The following IGF1R variants were observed in gnomAD, a reference collection of about 807,000 sequenced individuals.
The protein encoded by IGF1R is insulin-like growth factor 1 receptor.
In IGF1R, 44 loss-of-function variants were observed where a neutral mutation model predicts 144.6. That is an observed-to-expected ratio of 0.30 (90% CI 0.24 to 0.39). The LOEUF is 0.39. Ranked by LOEUF, IGF1R falls within the 10% of genes least tolerant of loss-of-function variation. The pLI is 1.00. For missense variants in IGF1R, 1,355 were observed against 1,833.7 expected (o/e 0.74, Z 4.77); for synonymous variants, 795 against 722.8 (o/e 1.10, Z -1.60).
In IGF1R at chr15:98,929,635, A is replaced by G. The variant is rs746647582; in HGVS notation, c.2860A>G (p.Met954Val). ...VLLIVGGLVIMLYVFHRKRNN... is the reference protein window; with the variant it reads ...VLLIVGGLVIVLYVFHRKRNN... The stretch of plus-strand genomic sequence containing the variant: ...GTTGATCGTGGGAGGGTTGGTGATT[A>G]TGCTGTACGTCTTCCATAGAAAGAG... The change falls in exon 14 of 21, where the codon ATG becomes GTG. Residue 954 changes from methionine to valine, a missense_variant. By Grantham distance (21) the Met-to-Val change is conservative. Transcript: ENST00000650285. 4 of 1,613,842 alleles carry G rather than the reference A, an allele frequency of 2.5e-6. No homozygotes were observed. The highest frequency in any genetic ancestry group is 3.4e-6 in the Non-Finnish European group (4 of 1,179,704).
chr15:98,693,120 C>T (rs2053517255), intron 1 of IGF1R, among the ~76,000 whole-genome samples: 1 of 152,136 alleles, frequency 6.6e-6, no homozygotes, highest in Admixed American at 6.5e-5. Context: ...CCCCCTGACC[C>T]CATATGAACG....
At position 98,671,110 on chromosome 15, in the gene IGF1R, C is replaced by T. The variant is rs182391113; in HGVS notation, c.94+21435C>T. 2.0e-3 allele frequency among the ~76,000 whole-genome samples: 298 copies of T among 152,312 alleles called. 1 individual carries two copies. Among genetic ancestry groups the T allele is most frequent in the African/African-American group, 6.6e-3 (274 of 41,572 alleles). Reference sequence around the variant, plus strand: ...AATGCAGCCATTGCAGAGTGAGCCCCGCTCTGTTACTGGATCTCCATTTGC... The same window carrying T: ...AATGCAGCCATTGCAGAGTGAGCCCTGCTCTGTTACTGGATCTCCATTTGC... On this transcript the variant is annotated intron_variant, in intron 1 of 20. Coordinates refer to ENST00000650285, the MANE Select transcript of IGF1R (RefSeq NM_000875.5).
chr15:98,691,658 C>T (rs760792747), intron 1 of IGF1R, among the ~76,000 whole-genome samples: 5 of 152,076 alleles, frequency 3.3e-5, no homozygotes, highest in Admixed American at 2.0e-4. Flanking sequence ...CCACCCTGCC[C>T]GGCCCATGGT....
intron 2 of IGF1R, among the ~76,000 whole-genome samples, chr15:98,869,457 G>A (rs1473488441): frequency 1.5e-5 from 2 of 133,480 alleles, no homozygotes; most frequent in Non-Finnish European, 3.1e-5. Context: ...TTTTTTAGAC[G>A]GCGTTTCGCC....
intron 2 of IGF1R, among the ~76,000 whole-genome samples, chr15:98,787,851 T>C (rs570383754): frequency 9.8e-5 from 15 of 152,294 alleles, no homozygotes; most frequent in African/African-American, 3.4e-4. Context: ...CAGTCGTATA[T>C]GTTTTTGTTC....
chr15:98,948,455 A>G, intron 19 of IGF1R, 119 bp from the exon 20 acceptor site: 1 of 1,065,416 alleles, frequency 9.4e-7, no homozygotes, highest in Non-Finnish European at 1.5e-6. Context: ...TCTGACAAGC[A>G]CTGTCACCAT....
chr15:98,890,744 GGCTTA>G, intron 2 of IGF1R: 1 of 161,578 alleles, frequency 6.2e-6, no homozygotes, highest in East Asian at 1.7e-4. Context: ...TAACAGCTTT[GGCTTA>G]TTTGAGGTAA....
At chr15:98,779,151 A>G (rs566804983) in intron 2 of IGF1R, among the ~76,000 whole-genome samples, 1 of 152,222 alleles carries the variant, frequency 6.6e-6, no homozygotes, top group South Asian at 2.1e-4. Flanking sequence ...TTGTTCCAGA[A>G]CAATGTATTC....
At chr15:98,929,457 T>C (rs914307652) in intron 13 of IGF1R, 101 bp from the exon 14 acceptor site, 2 of 885,160 alleles carry the variant, frequency 2.3e-6, no homozygotes, top group Non-Finnish European at 3.9e-6. Context: ...AGTAAACGAA[T>C]ATACAGGTAT....
intron 1 of IGF1R, among the ~76,000 whole-genome samples, chr15:98,665,770 A>G (rs571166898): frequency 2.1e-3 from 319 of 152,348 alleles, no homozygotes; most frequent in African/African-American, 7.3e-3. Context: ...GGCTTCAGTC[A>G]GGTGGGAAGC....
chr15:98,709,498 A>C (rs1409876739), intron 2 of IGF1R, among the ~76,000 whole-genome samples: 6 of 152,350 alleles, frequency 3.9e-5, no homozygotes, highest in Admixed American at 3.9e-4. Context: ...TCTTATGCTA[A>C]AGTCACTTGT....
intron 2 of IGF1R, among the ~76,000 whole-genome samples, chr15:98,714,227 G>T (rs1000500168): frequency 6.6e-6 from 1 of 151,750 alleles, no homozygotes; most frequent in African/African-American, 2.4e-5. Flanking sequence ...ATCCTTGTTT[G>T]TCAGCCACTG....
At chr15:98,878,399 T>C (rs993656220) in intron 2 of IGF1R, among the ~76,000 whole-genome samples, 1 of 152,144 alleles carries the variant, frequency 6.6e-6, no homozygotes, top group African/African-American at 2.4e-5. Flanking sequence ...AATTCCACTT[T>C]AGTTAGTCAT....
chr15:98,892,492 A>G (rs1265807356), intron 3 of IGF1R, among the ~76,000 whole-genome samples: 1 of 139,252 alleles, frequency 7.2e-6, no homozygotes, highest in Non-Finnish European at 1.5e-5. Flanking sequence ...ACACTACTTC[A>G]TTCCATCCTG....
chr15:98,712,535 T>G (rs1300506901), intron 2 of IGF1R, among the ~76,000 whole-genome samples: 1 of 152,000 alleles, frequency 6.6e-6, no homozygotes, highest in Non-Finnish European at 1.5e-5. Context: ...TCCTCCCCCT[T>G]ACAGCAGTGA....
At chr15:98,755,435 G>C (rs2055124360) in intron 2 of IGF1R, among the ~76,000 whole-genome samples, 1 of 151,832 alleles carries the variant, frequency 6.6e-6, no homozygotes, top group Non-Finnish European at 1.5e-5. Context: ...CATCTTTGCT[G>C]GTACTATAGA....
At chr15:98,847,165 CAG>C (rs2011361231) in intron 2 of IGF1R, among the ~76,000 whole-genome samples, 1 of 152,042 alleles carries the variant, frequency 6.6e-6, no homozygotes, top group Non-Finnish European at 1.5e-5. Context: ...TTAGTAAAGA[CAG>C]GGTTTTACCA....
intron 5 of IGF1R, among the ~76,000 whole-genome samples, chr15:98,905,978 G>C (rs2014712483): frequency 1.3e-5 from 2 of 152,088 alleles, no homozygotes; most frequent in Admixed American, 1.3e-4. Context: ...TTTTGACAAG[G>C]GTTTTATTTT....
intron 2 of IGF1R, among the ~76,000 whole-genome samples, chr15:98,845,824 T>G (rs1433348752): frequency 6.6e-6 from 1 of 152,158 alleles, no homozygotes; most frequent in Non-Finnish European, 1.5e-5. Context: ...TTCTAAGACA[T>G]TCTCTCTTCT....
Sources: gnomAD v4.1 joint callset for allele counts (sites outside exome capture counted in the v4.1 genomes callset) on GRCh38, gnomAD v4.1.1 for gene constraint, MANE v1.5 for transcripts, NCBI Gene and HGNC (gene_info 2026-07-23, HGNC 2026-07-21) for gene names.